TMBIM4: variants seen among roughly 807,000 people sequenced by gnomAD.
TMBIM4 encodes transmembrane BAX inhibitor motif containing 4, also known as protein lifeguard 4.
A neutral mutation model predicts 27.7 loss-of-function variants in TMBIM4; 28 were observed. The ratio of observed to expected loss-of-function variants is 1.01; its 90% confidence interval spans 0.75 to 1.38. The LOEUF (loss-of-function observed/expected upper bound fraction) is 1.38. TMBIM4 is among the 40% of genes most tolerant of loss of function. The pLI is 0.00. For missense variants in TMBIM4, 265 were observed against 277.5 expected (o/e 0.95, Z 0.32); for synonymous variants, 115 against 113.1 (o/e 1.02, Z -0.11).
In TMBIM4 at chr12:66,135,963, C is replaced by A. The variant is rs2051574779; in HGVS notation, c.*1997G>T. 1 of 70,290 alleles carries A rather than the reference C, an allele frequency of 1.4e-5. No homozygotes were observed. Among genetic ancestry groups the A allele is most frequent in the Non-Finnish European group, 2.5e-5 (1 of 39,654 alleles). 4.4% of individuals were successfully genotyped at this position (70,290 alleles called of 1,614,324 possible). A position where few individuals can be genotyped will look rare whatever the true frequency, so the allele number is the denominator to read the frequency against. On this transcript the variant is annotated 3_prime_UTR_variant, in exon 7 of 7. Coordinates refer to ENST00000358230, the MANE Select transcript of TMBIM4 (RefSeq NM_016056.4). ...GTCCTCTGCCTAGGAAAACCAGAGA[C>A]CTTTGTTCACTTGTTTATCTGCTGA...
intron 1 of TMBIM4, among the ~76,000 whole-genome samples, chr12:66,159,508 G>C (rs1267712463): frequency 6.6e-6 from 1 of 152,144 alleles, no homozygotes; most frequent in Non-Finnish European, 1.5e-5. Flanking sequence ...GAGACCCTGA[G>C]TCAGAACTAC....
chr12:66,148,666 C>CCTTA (rs1413342833), intron 3 of TMBIM4, among the ~76,000 whole-genome samples: 1 of 152,200 alleles, frequency 6.6e-6, no homozygotes, highest in Non-Finnish European at 1.5e-5. Context: ...AATGCCTGGA[C>CCTTA]CTTAGCAGAA....
chr12:66,164,917 C>T (rs1426615550), intron 1 of TMBIM4, among the ~76,000 whole-genome samples: 11 of 152,110 alleles, frequency 7.2e-5, no homozygotes, highest in Admixed American at 7.2e-4. Context: ...AAATTAGTTA[C>T]ATTTTTATAC....
At position 66,145,478 on chromosome 12, in the gene TMBIM4, C is replaced by G. The variant is rs75349895; in HGVS notation, c.464+363G>C. On this transcript the variant is annotated intron_variant, in intron 5 of 6. Transcript: ENST00000358230. Reference sequence around the variant, plus strand: ...CTTTCAATACCTGTACTAATTACAGCGCTTCTTCCAAGAAGACGTGGATGG... The same window carrying G: ...CTTTCAATACCTGTACTAATTACAGGGCTTCTTCCAAGAAGACGTGGATGG... 112 of 161,008 alleles carry G rather than the reference C, an allele frequency of 7.0e-4. 2 individuals carry two copies. The East Asian group carries it at 0.017, about 24-fold the overall frequency. The allele number at this position is 161,008 out of a possible 1,614,324, so 10.0% of individuals were successfully genotyped here.
intron 1 of TMBIM4, among the ~76,000 whole-genome samples, chr12:66,158,009 G>A (rs1035174308): frequency 2.0e-5 from 3 of 151,906 alleles, no homozygotes; most frequent in African/African-American, 4.8e-5. Context: ...GGCACATCAC[G>A]AGGTTAGGAG....
In TMBIM4 at chr12:66,156,376, C is replaced by T. The variant is rs1023594251; in HGVS notation, c.98-2928G>A. ...ACATAGAAGTCATCTTTGATTACCC[C>T]CTCCCTGTTCCCAATCTATCAGCAA... On this transcript the variant is annotated intron_variant, in intron 1 of 6. Transcript: ENST00000358230. Among the ~76,000 whole-genome samples the T allele has an allele frequency of 2.0e-5, 3 of 152,282 alleles. No homozygotes were observed. In the South Asian group the frequency reaches 6.2e-4, roughly 32 times the overall value.
In TMBIM4 at chr12:66,137,919, A is replaced by G. The variant is rs1289775339; in HGVS notation, c.*41T>C. On this transcript the variant is annotated 3_prime_UTR_variant, in exon 7 of 7. Coordinates refer to ENST00000358230, the MANE Select transcript of TMBIM4 (RefSeq NM_016056.4). ...TACTTTAATCCTTTTTTCTCATTAA[A>G]TTTTTTTTGTTGTTCTTCAGTTGAG... 1 of 1,556,398 alleles carries G rather than the reference A, an allele frequency of 6.4e-7. No individual in the cohort carries two copies. Among genetic ancestry groups the G allele is most frequent in the Non-Finnish European group, 8.8e-7 (1 of 1,135,564 alleles).
At chr12:66,139,017 T>C (rs897463595) in intron 5 of TMBIM4, 2 of 346,232 alleles carry the variant, frequency 5.8e-6, no homozygotes, top group South Asian at 1.2e-4. Context: ...ACAGTATAAT[T>C]TGTGAAGTTT....
chr12:66,162,541 C>G (rs2052060012), intron 1 of TMBIM4, among the ~76,000 whole-genome samples: 1 of 152,172 alleles, frequency 6.6e-6, no homozygotes, highest in South Asian at 2.1e-4. Context: ...CGGGGGAAAA[C>G]TCATTTGGGG....
At chr12:66,167,192 T>C (rs188380422) in intron 1 of TMBIM4, among the ~76,000 whole-genome samples, 24 of 152,320 alleles carry the variant, frequency 1.6e-4, no homozygotes, top group Admixed American at 1.0e-3. Context: ...ATACATGTCA[T>C]TAAACATTTG....
At chr12:66,138,865 A>AT in intron 5 of TMBIM4, 96 bp from the exon 6 acceptor site, 4 of 1,347,038 alleles carry the variant, frequency 3.0e-6, no homozygotes, top group Non-Finnish European at 3.8e-6. Context: ...ATCCATCTGG[A>AT]TTTTTTGCTG....
At chr12:66,166,813 A>T (rs954075709) in intron 1 of TMBIM4, among the ~76,000 whole-genome samples, 15 of 152,246 alleles carry the variant, frequency 9.9e-5, no homozygotes, top group African/African-American at 3.1e-4. Context: ...AAATGAGTTG[A>T]AAACTTATGT....
At chr12:66,141,475 A>C (rs1048171934) in intron 5 of TMBIM4, among the ~76,000 whole-genome samples, 1 of 152,210 alleles carries the variant, frequency 6.6e-6, no homozygotes, top group African/African-American at 2.4e-5. Context: ...AAACACAACC[A>C]TCTTAATAAT....
Position 66,137,440 on chromosome 12 carries a change from G to A in TMBIM4, c.*520C>T, listed in dbSNP as rs1052338012. Reference sequence around the variant, plus strand: ...GAGACTGAGTCTCGCTCTGTCACCAGGCTGGAATGCAGTGGCGTGATCTTG... The same window carrying A: ...GAGACTGAGTCTCGCTCTGTCACCAAGCTGGAATGCAGTGGCGTGATCTTG... On this transcript the variant is annotated 3_prime_UTR_variant, in exon 7 of 7. Coordinates refer to ENST00000358230, the MANE Select transcript of TMBIM4 (RefSeq NM_016056.4). 6.6e-6 allele frequency: 1 copy of A among 151,362 alleles called. No homozygotes were observed. The highest frequency in any genetic ancestry group is 1.5e-5 in the Non-Finnish European group (1 of 68,086). 9.4% of individuals were successfully genotyped at this position (151,362 alleles called of 1,614,324 possible).
At position 66,169,943 on chromosome 12, in the gene TMBIM4, G is replaced by T; in HGVS notation, c.9C>A (p.Asp3Glu). Residue 3 changes from aspartate to glutamate, a missense_variant, in exon 1 of 7, where the codon GAC (aspartate) becomes GAA (glutamate). Transcript: ENST00000358230. ...AGGAGCGAGGGTACCGGGGGTCGGG[G>T]TCAGCCATGATGGCAACAGCACCCC... MA[D>E]PDPRYPRSSI... The T allele has an allele frequency of 6.7e-7, 1 of 1,497,006 alleles. No homozygotes were observed. The highest frequency in any genetic ancestry group is 8.9e-7 in the Non-Finnish European group (1 of 1,124,870). The allele number at this position is 1,497,006 out of a possible 1,614,324, so 92.7% of individuals were successfully genotyped here. A position where few individuals can be genotyped will look rare whatever the true frequency, so the allele number is the denominator to read the frequency against.
At chr12:66,144,766 CATA>C (rs1385275888) in intron 5 of TMBIM4, 1 of 152,134 alleles carries the variant, frequency 6.6e-6, no homozygotes, top group Non-Finnish European at 1.5e-5. Flanking sequence ...AAGAAAATAT[CATA>C]AGAATTATCA....
intron 1 of TMBIM4, 82 bp downstream of exon 1, chr12:66,169,773 C>A: frequency 3.5e-6 from 4 of 1,132,528 alleles, no homozygotes; most frequent in Admixed American, 3.6e-5. Flanking sequence ...TGGCCGCTCT[C>A]CCTCGGAAGC....
intron 3 of TMBIM4, among the ~76,000 whole-genome samples, chr12:66,151,958 T>C (rs2051851634): frequency 2.0e-5 from 3 of 152,208 alleles, no homozygotes; most frequent in African/African-American, 7.2e-5. Context: ...TTATCTACTT[T>C]AAAATTCTCA....
At chr12:66,169,077 G>A (rs1343324186) in intron 1 of TMBIM4, 11 of 457,406 alleles carry the variant, frequency 2.4e-5, no homozygotes. Context: ...TAGGCACTAA[G>A]ATTCTTAGCA....
Sources: allele counts gnomAD v4.1 joint callset (sites outside exome capture counted in the v4.1 genomes callset), GRCh38; gene constraint gnomAD v4.1.1; transcripts MANE v1.5; gene names NCBI Gene and HGNC (gene_info 2026-07-23, HGNC 2026-07-21).